TPSAB1: variants seen among roughly 807,000 people sequenced by gnomAD.
The protein encoded by TPSAB1 is tryptase alpha/beta 1, also known as tryptase alpha/beta-1.
TPSAB1 carries 15 observed loss-of-function variants against 21.8 expected under a neutral mutation model. The observed-to-expected ratio is 0.69, with a 90% confidence interval of 0.46 to 1.06. The LOEUF is 1.06. Among genes scored for constraint, TPSAB1 ranks in the 50% least tolerant of loss-of-function variants. The probability of loss-of-function intolerance (pLI) is 0.00; values close to 1 mark genes in which losing one functional copy is unlikely to be tolerated. For synonymous variants in TPSAB1, 74 were observed against 140.4 expected (o/e 0.53, Z 3.34); for missense variants, 186 against 311.2 (o/e 0.60, Z 3.03).
chr16:1,241,295 G>A lies in TPSAB1; in HGVS notation c.204G>A (p.Trp68Ter), dbSNP rs775628021. 3.7e-5 allele frequency: 59 copies of A among 1,610,902 alleles called. 1 individual carries two copies. In the Admixed American group the frequency reaches 9.9e-4, roughly 27 times the overall value. Residue 68 changes from tryptophan to a stop codon, truncating the protein, a stop_gained, in exon 3 of 6, where the codon TGG becomes TGA. Transcript: ENST00000338844. LOFTEE classifies it high-confidence loss of function. ...GGGGCTCCCTCATCCACCCCCAGTG[G>A]GTGCTGACCGCAGCGCACTGCGTGG... ...FCGGSLIHPQ[W>*]VLTAAHCVGP...
At position 1,242,353 on chromosome 16, in the gene TPSAB1, T is replaced by G. The variant is rs2030691029; in HGVS notation, c.*113T>G. ...CCCCCACACCTTCCCTGCCCCGTCC[T>G]GAGTGCCCCTTCCTGTCCTAAGCCC... On this transcript the variant is annotated 3_prime_UTR_variant, in exon 6 of 6. Transcript: ENST00000338844. 57 of 698,692 alleles carry G rather than the reference T, an allele frequency of 8.2e-5. No homozygotes were observed. The East Asian group carries it at 1.5e-3, about 19-fold the overall frequency. 43.3% of individuals were successfully genotyped at this position (698,692 alleles called of 1,614,324 possible).
At position 1,242,156 on chromosome 16, in the gene TPSAB1, T is replaced by C. The variant is rs962273228; in HGVS notation, c.744T>C (p.Cys248=). The C allele has an allele frequency of 3.1e-6, 5 of 1,596,032 alleles. No homozygotes were observed. In the African/African-American group the frequency reaches 5.7e-5, roughly 18 times the overall value. The part of the protein sequence containing the change: ...QAGVVSWGEG[C]AQPNRPGIYT... ...GCGTGGTCAGCTGGGGCGAGGGCTG[T>C]GCCCAGCCCAACCGGCCTGGCATCT... The change falls in exon 6 of 6, where the codon TGT becomes TGC. Residue 248 remains cysteine (C), a synonymous_variant. Coordinates refer to ENST00000338844, the MANE Select transcript of TPSAB1 (RefSeq NM_003294.4).
chr16:1,241,241 C>A lies in TPSAB1; in HGVS notation c.150C>A (p.Val50=), dbSNP rs2030631505. ...GGCCCTGGCAGGTGAGCCTGAGAGT[C>A]CACGGCCCATACTGGATGCACTTCT... is the stretch of plus-strand genomic sequence containing the variant. ...SKWPWQVSLR[V]HGPYWMHFCG... Residue 50 remains valine (V), a synonymous_variant, in exon 3 of 6, where the codon GTC becomes GTA. Transcript: ENST00000338844. 6.2e-7 allele frequency: 1 copy of A among 1,612,326 alleles called. No homozygotes were observed. The highest frequency in any genetic ancestry group is 2.2e-5 in the East Asian group (1 of 44,848).
chr16:1,241,205 C>G lies in TPSAB1; in HGVS notation c.114C>G (p.Pro38=), dbSNP rs772401742. The change falls in exon 3 of 6, where the codon CCC becomes CCG. Residue 38 remains proline (P), a synonymous_variant. Coordinates refer to ENST00000338844, the MANE Select transcript of TPSAB1 (RefSeq NM_003294.4). The part of the protein sequence containing the change: ...RVGIVGGQEA[P]RSKWPWQVSL... The stretch of plus-strand genomic sequence containing the variant: ...GCATCGTCGGGGGTCAGGAGGCCCC[C>G]AGGAGCAAGTGGCCCTGGCAGGTGA... The G allele has an allele frequency of 1.7e-5, 27 of 1,611,558 alleles. No homozygotes were observed. The Admixed American group carries it at 4.5e-4, about 27-fold the overall frequency.
At position 1,241,849 on chromosome 16, in the gene TPSAB1, T is replaced by C. The variant is rs1141970; in HGVS notation, c.522T>C (p.Pro174=). ...DNDERLPPPF[P]LKQVKVPIME... ...CAGAGCGCCTCCCACCGCCATTTCC[T>C]CTGAAGCAGGTGAAGGTCCCCATAA... The change falls in exon 5 of 6, where the codon CCT becomes CCC. Residue 174 remains proline (P), a synonymous_variant. Transcript: ENST00000338844. The C allele has an allele frequency of 0.22, 73,727 of 330,754 alleles. 2 individuals carry two copies. Among genetic ancestry groups the C allele is most frequent in the East Asian group, 0.27 (4,237 of 15,952 alleles). The allele number at this position is 330,754 out of a possible 1,614,324, so 20.5% of individuals were successfully genotyped here.
rs1268513999 is a variant in TPSAB1 at position 1,241,190 on chromosome 16, G to C, written c.99G>C (p.Gly33=). 1 of 1,609,806 alleles carries C rather than the reference G, an allele frequency of 6.2e-7. No individual in the cohort carries two copies. Among genetic ancestry groups the C allele is most frequent in the East Asian group, 2.2e-5 (1 of 44,828 alleles). ...GQALQRVGIV[G]GQEAPRSKWP... Reference sequence around the variant, plus strand: ...CCCTGCAGCGAGTGGGCATCGTCGGGGGTCAGGAGGCCCCCAGGAGCAAGT... The same window carrying C: ...CCCTGCAGCGAGTGGGCATCGTCGGCGGTCAGGAGGCCCCCAGGAGCAAGT... Residue 33 remains glycine (G), a synonymous_variant, in exon 3 of 6, where the codon GGG becomes GGC. Coordinates refer to ENST00000338844, the MANE Select transcript of TPSAB1 (RefSeq NM_003294.4).
At position 1,241,220 on chromosome 16, in the gene TPSAB1, C is replaced by G. The variant is rs1960187; in HGVS notation, c.129C>G (p.Pro43=). The G allele has an allele frequency of 3.1e-6, 5 of 1,612,076 alleles. No individual in the cohort carries two copies. In the African/African-American group the frequency reaches 6.7e-5, roughly 22 times the overall value. Residue 43 remains proline, a synonymous_variant, in exon 3 of 6, where the codon CCC becomes CCG. Coordinates refer to ENST00000338844, the MANE Select transcript of TPSAB1 (RefSeq NM_003294.4). ...AGGAGGCCCCCAGGAGCAAGTGGCCCTGGCAGGTGAGCCTGAGAGTCCACG... is the reference window on the plus strand; with the variant it reads ...AGGAGGCCCCCAGGAGCAAGTGGCCGTGGCAGGTGAGCCTGAGAGTCCACG... The part of the protein sequence containing the change: ...GGQEAPRSKW[P]WQVSLRVHGP...
rs753795028 is a variant in TPSAB1 at position 1,242,259 on chromosome 16, A to C, written c.*19A>C. ...GCCGTGAGTCAGGCCTGGGTTGGCCACCTGGGTCACTGGAGGACCAACCCC... is the reference window on the plus strand; with the variant it reads ...GCCGTGAGTCAGGCCTGGGTTGGCCCCCTGGGTCACTGGAGGACCAACCCC... On this transcript the variant is annotated 3_prime_UTR_variant, in exon 6 of 6. Coordinates refer to ENST00000338844, the MANE Select transcript of TPSAB1 (RefSeq NM_003294.4). The C allele has an allele frequency of 1.2e-6, 2 of 1,612,428 alleles. No homozygotes were observed. The highest frequency in any genetic ancestry group is 1.7e-6 in the Non-Finnish European group (2 of 1,179,322).
chr16:1,241,887 T>C lies in TPSAB1; in HGVS notation c.560T>C (p.Ile187Thr). ...QVKVPIMENH[I>T]CDAKYHLGAY... is the part of the protein sequence containing the mutation. ...AAGGTCCCCATAATGGAAAACCACATTTGTGACGCAAAATACCACCTTGGC... is the reference window on the plus strand; with the variant it reads ...AAGGTCCCCATAATGGAAAACCACACTTGTGACGCAAAATACCACCTTGGC... Residue 187 changes from isoleucine to threonine, a missense_variant, in exon 5 of 6, where the codon ATT (isoleucine) becomes ACT (threonine). Ile to Thr is a moderately conservative substitution (Grantham distance 89). Coordinates refer to ENST00000338844, the MANE Select transcript of TPSAB1 (RefSeq NM_003294.4). 4 of 515,006 alleles carry C rather than the reference T, an allele frequency of 7.8e-6. No homozygotes were observed. Among genetic ancestry groups the C allele is most frequent in the Non-Finnish European group, 6.3e-6 (2 of 318,480 alleles). 31.9% of individuals were successfully genotyped at this position (515,006 alleles called of 1,614,324 possible). A position where few individuals can be genotyped will look rare whatever the true frequency, so the allele number is the denominator to read the frequency against.
rs750386528 is a variant in TPSAB1 at position 1,242,205 on chromosome 16, G to A, written c.793G>A (p.Asp265Asn). The change falls in exon 6 of 6, where the codon GAC (aspartate) becomes AAC (asparagine). Residue 265 changes from aspartate to asparagine, a missense_variant. Asp to Asn is a conservative substitution (Grantham distance 23). Around this residue, in one of 4 missense-constraint regions of TPSAB1, gnomAD observed 85 missense variants for 104.3 expected, o/e 0.81. Transcript: ENST00000338844. ...GIYTRVTYYL[D>N]WIHHYVPKKP ...CTACACCCGTGTCACCTACTACTTG[G>A]ACTGGATCCACCACTATGTCCCCAA... The A allele has an allele frequency of 6.2e-7, 1 of 1,608,556 alleles. No individual in the cohort carries two copies. Among genetic ancestry groups the A allele is most frequent in the East Asian group, 2.2e-5 (1 of 44,690 alleles).
In TPSAB1 at chr16:1,241,245, G is replaced by C. The variant is rs778193102; in HGVS notation, c.154G>C (p.Gly52Arg). The change falls in exon 3 of 6, where the codon GGC becomes CGC. Residue 52 changes from glycine (G) to arginine (R), a missense_variant. Gly to Arg is a moderately radical substitution (Grantham distance 125). Around this residue, in one of 4 missense-constraint regions of TPSAB1, gnomAD observed 89 missense variants for 74.9 expected, o/e 1.19. Transcript: ENST00000338844. ...WPWQVSLRVH[G>R]PYWMHFCGGS... ...CTGGCAGGTGAGCCTGAGAGTCCAC[G>C]GCCCATACTGGATGCACTTCTGCGG... The C allele has an allele frequency of 3.2e-5, 52 of 1,612,172 alleles. No individual in the cohort carries two copies. The highest frequency in any genetic ancestry group is 4.1e-5 in the Non-Finnish European group (48 of 1,179,602).
intron 1 of TPSAB1, 41 bp downstream of exon 1, chr16:1,240,769 T>C: frequency 3.1e-6 from 2 of 644,734 alleles, no homozygotes; most frequent in Non-Finnish European, 5.3e-6. Flanking sequence ...CAGCGTCACC[T>C]GGAGCAGAGT....
Position 1,242,313 on chromosome 16 carries a change from C to G in TPSAB1, c.*73C>G, listed in dbSNP as rs879642866. On this transcript the variant is annotated 3_prime_UTR_variant, in exon 6 of 6. Coordinates refer to ENST00000338844, the MANE Select transcript of TPSAB1 (RefSeq NM_003294.4). ...TGTCCAAAACACCACTGCTTCCTAC[C>G]CAGGTGGCGACTGCCCCCCACACCT... The G allele has an allele frequency of 1.3e-6, 2 of 1,586,876 alleles. No homozygotes were observed. The highest frequency in any genetic ancestry group is 1.7e-6 in the Non-Finnish European group (2 of 1,165,010).
rs145402040 is a variant in TPSAB1 at position 1,242,146 on chromosome 16, G to T, written c.734G>T (p.Gly245Val). ...CTGCAGGCGGGCGTGGTCAGCTGGG[G>T]CGAGGGCTGTGCCCAGCCCAACCGG... Reference protein sequence around the residue: ...TWLQAGVVSWGEGCAQPNRPG... With the variant: ...TWLQAGVVSWVEGCAQPNRPG... The change falls in exon 6 of 6, where the codon GGC (glycine) becomes GTC (valine). Residue 245 changes from glycine (G) to valine (V), a missense_variant. By Grantham distance (109) the Gly-to-Val change is moderately radical (BLOSUM62 -3). Transcript: ENST00000338844. 2.4e-5 allele frequency: 37 copies of T among 1,554,442 alleles called. 1 individual carries two copies. Among genetic ancestry groups the T allele is most frequent in the Admixed American group, 2.3e-4 (13 of 55,902 alleles).
rs951791696 is a variant in TPSAB1, at chr16:1,241,260, C to T, written c.169C>T (p.His57Tyr). 10 of 1,612,418 alleles carry T rather than the reference C, an allele frequency of 6.2e-6. No individual in the cohort carries two copies. In the African/African-American group the frequency reaches 1.3e-4, roughly 22 times the overall value. ...SLRVHGPYWM[H>Y]FCGGSLIHPQ... ...GAGAGTCCACGGCCCATACTGGATGCACTTCTGCGGGGGCTCCCTCATCCA... is the reference window on the plus strand; with the variant it reads ...GAGAGTCCACGGCCCATACTGGATGTACTTCTGCGGGGGCTCCCTCATCCA... Residue 57 changes from histidine (H) to tyrosine (Y), a missense_variant, in exon 3 of 6, where the codon CAC (histidine) becomes TAC (tyrosine). Physicochemically the swap from His to Tyr is moderately conservative, Grantham distance 83 (BLOSUM62 2). Around this residue, in one of 4 missense-constraint regions of TPSAB1, gnomAD observed 89 missense variants for 74.9 expected, o/e 1.19. Coordinates refer to ENST00000338844, the MANE Select transcript of TPSAB1 (RefSeq NM_003294.4).
In TPSAB1 at chr16:1,241,304, C is replaced by G; in HGVS notation, c.213C>G (p.Thr71=). ...TCATCCACCCCCAGTGGGTGCTGAC[C>G]GCAGCGCACTGCGTGGGACCGTGAG... The part of the protein sequence containing the change: ...GSLIHPQWVL[T]AAHCVGPDVK... Residue 71 remains threonine (T), a synonymous_variant, in exon 3 of 6, where the codon ACC becomes ACG. Coordinates refer to ENST00000338844, the MANE Select transcript of TPSAB1 (RefSeq NM_003294.4). 2 of 1,610,858 alleles carry G rather than the reference C, an allele frequency of 1.2e-6. No homozygotes were observed. The highest frequency in any genetic ancestry group is 8.5e-7 in the Non-Finnish European group (1 of 1,178,404).
Position 1,242,281 on chromosome 16 carries a change from C to G in TPSAB1, c.*41C>G, listed in dbSNP as rs749764868. 7.5e-6 allele frequency: 12 copies of G among 1,609,916 alleles called. No individual in the cohort carries two copies. The highest frequency in any genetic ancestry group is 5.5e-5 in the South Asian group (5 of 90,164). On this transcript the variant is annotated 3_prime_UTR_variant, in exon 6 of 6. Transcript: ENST00000338844. ...GCCACCTGGGTCACTGGAGGACCAA[C>G]CCCTGCTGTCCAAAACACCACTGCT...
At position 1,241,029 on chromosome 16, in the gene TPSAB1, C is replaced by G. The variant is rs2030620428; in HGVS notation, c.61+30C>G. 5 of 1,475,844 alleles carry G rather than the reference C, an allele frequency of 3.4e-6. No individual in the cohort carries two copies. The East Asian group carries it at 1.2e-4, about 36-fold the overall frequency. 91.4% of individuals were successfully genotyped at this position (1,475,844 alleles called of 1,614,324 possible). ...GTCCCAGCCGGGGTCCACCCTGCCC[C>G]TCACCACATTCCACAGGTCAGGGCC... On this transcript the variant is annotated intron_variant, in intron 2 of 5. Transcript: ENST00000338844.
In TPSAB1 at chr16:1,240,719, A is replaced by T; in HGVS notation, c.-10A>T. ...AGCCCACTGGGTAGAAGGAACAGGG[A>T]GCGGCCAGGGTAAGTCCCCACTCTC... is the stretch of plus-strand genomic sequence containing the variant. On this transcript the variant is annotated 5_prime_UTR_variant, in exon 1 of 6. Transcript: ENST00000338844. 3.4e-6 allele frequency: 2 copies of T among 591,696 alleles called. No homozygotes were observed. The highest frequency in any genetic ancestry group is 6.0e-6 in the Non-Finnish European group (2 of 334,196). 36.7% of individuals were successfully genotyped at this position (591,696 alleles called of 1,614,324 possible).
Sources: gnomAD v4.1 joint callset for allele counts on GRCh38, gnomAD v4.1.1 for gene constraint, gnomAD v4.1.1 regional missense constraint, MANE v1.5 for transcripts, NCBI Gene and HGNC (gene_info 2026-07-23, HGNC 2026-07-21) for gene names.